Variants in CWC27 observed in about 807,000 individuals in gnomAD.
CWC27 encodes the protein CWC27 spliceosome associated cyclophilin.
CWC27 carries 47 observed loss-of-function variants against 63.6 expected under a neutral mutation model. The observed-to-expected ratio is 0.74, with a 90% CI of 0.58 to 0.94. The LOEUF (loss-of-function observed/expected upper bound fraction) is 0.94, where lower values mean the gene tolerates loss of function less well. Ranked by LOEUF, CWC27 falls within the 40% of genes least tolerant of loss-of-function variation. The probability of loss-of-function intolerance (pLI) is 0.00; values close to 1 mark genes in which losing one functional copy is unlikely to be tolerated. For synonymous variants in CWC27, 175 were observed against 179.8 expected, an observed-to-expected ratio of 0.97 and a Z score of 0.22; for missense variants, 495 against 554.3, an observed-to-expected ratio of 0.89 and a Z score of 1.07.
At chr5:64,910,023 A>T (rs1199705558) in intron 11 of CWC27, among the ~76,000 whole-genome samples, 1 of 151,996 alleles carries the variant, frequency 6.6e-6, no homozygotes, top group Non-Finnish European at 1.5e-5. Context: ...GGTTTTTAGA[A>T]TTTTCAGCTT....
At chr5:64,904,251 G>A (rs1009131502) in intron 11 of CWC27, among the ~76,000 whole-genome samples, 3 of 152,064 alleles carry the variant, frequency 2.0e-5, no homozygotes, top group Non-Finnish European at 4.4e-5. Context: ...TTCTGTATTA[G>A]TTACCTATTG....
intron 10 of CWC27, among the ~76,000 whole-genome samples, chr5:64,865,160 A>T (rs1746505089): frequency 6.6e-6 from 1 of 152,110 alleles, no homozygotes; most frequent in South Asian, 2.1e-4. Context: ...CAAACATAGA[A>T]AAGTATTACT....
intron 13 of CWC27, among the ~76,000 whole-genome samples, chr5:64,978,004 T>G (rs1283671554): frequency 6.6e-6 from 1 of 152,118 alleles, no homozygotes; most frequent in Non-Finnish European, 1.5e-5. Context: ...CTGGAGCCTC[T>G]GAACCATCAC....
At chr5:64,837,406 T>C (rs1745684628) in intron 10 of CWC27, among the ~76,000 whole-genome samples, 1 of 152,084 alleles carries the variant, frequency 6.6e-6, no homozygotes, top group Admixed American at 6.6e-5. Flanking sequence ...GCAGACCTTT[T>C]GTAGACAGTT....
chr5:64,939,912 A>G lies in CWC27; in HGVS notation c.1043-31791A>G, dbSNP rs548112665. On this transcript the variant is annotated intron_variant, in intron 11 of 13. Transcript: ENST00000381070. ...CTAACTTCTGGTCGGCTTTGTTTAC[A>G]CTGTGAGGGGAAAACCGCCTACTCA... Among the ~76,000 whole-genome samples, 31 of 152,292 alleles carry G rather than the reference A, an allele frequency of 2.0e-4. No individual in the cohort carries two copies. The South Asian group carries it at 6.4e-3, about 32-fold the overall frequency.
At chr5:64,870,920 T>C (rs1486212500) in intron 10 of CWC27, among the ~76,000 whole-genome samples, 1 of 152,168 alleles carries the variant, frequency 6.6e-6, no homozygotes, top group Non-Finnish European at 1.5e-5. Context: ...TGAACACCCA[T>C]TACATTCTTC....
At chr5:64,871,069 T>TA (rs944153413) in intron 10 of CWC27, among the ~76,000 whole-genome samples, 17 of 151,946 alleles carry the variant, frequency 1.1e-4, no homozygotes, top group African/African-American at 2.9e-4. Flanking sequence ...TTCATACCTT[T>TA]AAAAAAAATC....
chr5:64,980,330 G>A (rs1749311638), intron 13 of CWC27, among the ~76,000 whole-genome samples: 1 of 152,118 alleles, frequency 6.6e-6, no homozygotes, highest in East Asian at 1.9e-4. Context: ...CACATGGCAG[G>A]AGGAATTTGC....
At chr5:64,934,461 C>T (rs2112406118) in intron 11 of CWC27, among the ~76,000 whole-genome samples, 1 of 152,286 alleles carries the variant, frequency 6.6e-6, no homozygotes, top group African/African-American at 2.4e-5. Context: ...CATAGTATTC[C>T]ATGGTGTATA....
At chr5:64,815,841 A>G (rs1745010378) in intron 10 of CWC27, among the ~76,000 whole-genome samples, 1 of 152,202 alleles carries the variant, frequency 6.6e-6, no homozygotes. Flanking sequence ...AACACTTCAT[A>G]TACATACAAC....
chr5:64,802,683 AG>A (rs1404352051), intron 9 of CWC27, among the ~76,000 whole-genome samples: 3 of 152,190 alleles, frequency 2.0e-5, no homozygotes, highest in Non-Finnish European at 4.4e-5. Context: ...GACAACCACA[AG>A]GTTTCTGGTT....
intron 6 of CWC27, among the ~76,000 whole-genome samples, chr5:64,787,877 A>G (rs998060133): frequency 1.3e-5 from 2 of 152,266 alleles, no homozygotes; most frequent in East Asian, 1.9e-4. Flanking sequence ...ACCTCTTCCT[A>G]TAAAATGGAG....
At chr5:64,810,078 A>G (rs142752762) in intron 10 of CWC27, among the ~76,000 whole-genome samples, 43 of 151,936 alleles carry the variant, frequency 2.8e-4, no homozygotes, top group East Asian at 9.7e-4. Flanking sequence ...TTTTGCTTAT[A>G]GTTTGAGATA....
At chr5:64,819,204 A>C (rs1580638379) in intron 10 of CWC27, among the ~76,000 whole-genome samples, 1 of 152,124 alleles carries the variant, frequency 6.6e-6, no homozygotes, top group African/African-American at 2.4e-5. Flanking sequence ...AACTAGCTTT[A>C]TTTCTAAATT....
chr5:64,904,339 C>T lies in CWC27; in HGVS notation c.1042+18793C>T, dbSNP rs77703779. On this transcript the variant is annotated intron_variant, in intron 11 of 13. Transcript: ENST00000381070. ...TCATAGTTTCTATGGATCAGGAATT[C>T]GGAACAACTTAGCTGAGAAGTTTTG... Among the ~76,000 whole-genome samples, 60 of 152,274 alleles carry T rather than the reference C, an allele frequency of 3.9e-4. No homozygotes were observed. In the East Asian group the frequency reaches 0.011, roughly 27 times the overall value.
At chr5:64,927,584 C>A (rs1748143803) in intron 11 of CWC27, among the ~76,000 whole-genome samples, 1 of 152,174 alleles carries the variant, frequency 6.6e-6, no homozygotes, top group Non-Finnish European at 1.5e-5. Flanking sequence ...TCACCCACCC[C>A]ACTTTCCACA....
intron 13 of CWC27, among the ~76,000 whole-genome samples, chr5:65,006,885 C>T (rs1055618895): frequency 6.6e-6 from 1 of 151,276 alleles, no homozygotes; most frequent in Non-Finnish European, 1.5e-5. Flanking sequence ...TACAATAAAC[C>T]CCCATGACAC....
intron 11 of CWC27, among the ~76,000 whole-genome samples, chr5:64,954,650 CTA>C (rs10645565): frequency 4.1e-5 from 6 of 146,272 alleles, no homozygotes; most frequent in Non-Finnish European, 6.0e-5. Flanking sequence ...ATAGAAAGCA[CTA>C]TATATATATA....
At chr5:64,854,376 A>C (rs542577032) in intron 10 of CWC27, among the ~76,000 whole-genome samples, 1 of 152,210 alleles carries the variant, frequency 6.6e-6, no homozygotes, top group Non-Finnish European at 1.5e-5. Flanking sequence ...ACTGTTTTTC[A>C]TAGCAACTGC....
Sources: gnomAD v4.1 joint callset for allele counts (sites outside exome capture counted in the v4.1 genomes callset) on GRCh38, gnomAD v4.1.1 for gene constraint, MANE v1.5 for transcripts, NCBI Gene and HGNC (gene_info 2026-07-23, HGNC 2026-07-21) for gene names.